The following SCFD2 variants were observed in gnomAD, a reference collection of about 807,000 sequenced individuals.
SCFD2 encodes sec1 family domain containing 2.
In SCFD2, 54 loss-of-function variants were observed where a neutral mutation model predicts 58.9. That is an observed-to-expected ratio of 0.92 (90% CI 0.74 to 1.15). The LOEUF (loss-of-function observed/expected upper bound fraction) is 1.15. Among genes scored for constraint, SCFD2 ranks in the 50% most tolerant of loss-of-function variants. SCFD2 has a pLI of 0.00. For synonymous variants in SCFD2, 321 were observed against 335.9 expected, an observed-to-expected ratio of 0.96 and a Z score of 0.49; for missense variants, 805 against 836.6, an observed-to-expected ratio of 0.96 and a Z score of 0.47.
chr4:52,948,605 C>A (rs1720503708), intron 5 of SCFD2: 3 of 452,284 alleles, frequency 6.6e-6, no homozygotes, highest in Non-Finnish European at 1.3e-5. Flanking sequence ...AGTCTCTTTA[C>A]TGCAACCAGT....
chr4:53,093,258 C>G (rs995148032), intron 5 of SCFD2, among the ~76,000 whole-genome samples: 3 of 151,950 alleles, frequency 2.0e-5, no homozygotes, highest in African/African-American at 7.3e-5. Context: ...AGGTGTTCAG[C>G]AAATAGTTGT....
intron 4 of SCFD2, among the ~76,000 whole-genome samples, chr4:53,250,090 A>T (rs1311936280): frequency 6.6e-6 from 1 of 152,220 alleles, no homozygotes. Context: ...GGCTCAAAAT[A>T]AAAGGATGGA....
intron 3 of SCFD2, among the ~76,000 whole-genome samples, chr4:53,275,562 A>C (rs920490840): frequency 1.3e-5 from 2 of 152,254 alleles, no homozygotes; most frequent in Non-Finnish European, 2.9e-5. Flanking sequence ...TCTAGTGTAC[A>C]GTTCTATGAA....
chr4:53,113,817 A>C (rs1016500687), intron 5 of SCFD2, among the ~76,000 whole-genome samples: 5 of 102,288 alleles, frequency 4.9e-5, no homozygotes, highest in African/African-American at 1.4e-4. Context: ...AGGTACAGAA[A>C]GTGGTCAATA....
chr4:53,081,299 G>A (rs1163059607), intron 5 of SCFD2, among the ~76,000 whole-genome samples: 2 of 152,044 alleles, frequency 1.3e-5, no homozygotes, highest in Non-Finnish European at 2.9e-5. Context: ...ATGTGTACAG[G>A]TTTGTTGCAT....
chr4:52,888,240 C>CAAG (rs1451266208), intron 7 of SCFD2, among the ~76,000 whole-genome samples: 25 of 152,170 alleles, frequency 1.6e-4, no homozygotes, highest in African/African-American at 5.3e-4. Context: ...TAAGTTATTC[C>CAAG]TTGGCTTCTG....
At position 52,903,354 on chromosome 4, in the gene SCFD2, T is replaced by C. The variant is rs375988599; in HGVS notation, c.1842+4103A>G. Among the ~76,000 whole-genome samples the C allele has an allele frequency of 2.0e-5, 3 of 152,148 alleles. No homozygotes were observed. In the East Asian group the frequency reaches 5.8e-4, roughly 29 times the overall value. ...GACCAGCTTTGCCTTGCTTAGTAGC[T>C]GCTGGAAAGGAGGGTCAGGGCCTCC... On this transcript the variant is annotated intron_variant, in intron 7 of 8. Transcript: ENST00000401642.
intron 3 of SCFD2, among the ~76,000 whole-genome samples, chr4:53,286,400 C>A (rs561396142): frequency 6.6e-6 from 1 of 152,088 alleles, no homozygotes; most frequent in Admixed American, 6.5e-5. Flanking sequence ...TGTTCTAACC[C>A]CCAAGGACCT....
intron 5 of SCFD2, among the ~76,000 whole-genome samples, chr4:53,023,949 G>T (rs1438919294): frequency 6.6e-6 from 1 of 152,092 alleles, no homozygotes; most frequent in Non-Finnish European, 1.5e-5. Context: ...TGGGGGTGGT[G>T]GTGGAGGGAA....
intron 5 of SCFD2, among the ~76,000 whole-genome samples, chr4:52,972,052 C>T (rs550714424): frequency 1.3e-5 from 2 of 152,314 alleles, no homozygotes; most frequent in South Asian, 2.1e-4. Context: ...GTACCAGCCA[C>T]TGCAAAAACA....
intron 5 of SCFD2, among the ~76,000 whole-genome samples, chr4:53,029,525 A>G (rs1722564061): frequency 6.6e-6 from 1 of 152,226 alleles, no homozygotes; most frequent in African/African-American, 2.4e-5. Flanking sequence ...ATTTAACTAA[A>G]AGATGTGTTC....
intron 5 of SCFD2, among the ~76,000 whole-genome samples, chr4:53,068,361 G>A (rs1184977742): frequency 3.3e-5 from 5 of 151,952 alleles, no homozygotes; most frequent in Admixed American, 6.6e-5. Context: ...TTCTATTTTA[G>A]ATAAGCATTA....
intron 5 of SCFD2, among the ~76,000 whole-genome samples, chr4:52,967,633 A>C (rs1577866476): frequency 6.6e-6 from 1 of 152,286 alleles, no homozygotes; most frequent in South Asian, 2.1e-4. Context: ...GAAGTGGTCC[A>C]GTTCTCTGTA....
intron 3 of SCFD2, among the ~76,000 whole-genome samples, chr4:53,283,652 T>G (rs1207111411): frequency 2.0e-5 from 3 of 151,992 alleles, no homozygotes; most frequent in African/African-American, 7.2e-5. Flanking sequence ...CACTGCAACC[T>G]CTGCCTCCCA....
At chr4:53,338,133 G>A (rs1269922153) in intron 2 of SCFD2, among the ~76,000 whole-genome samples, 1 of 152,124 alleles carries the variant, frequency 6.6e-6, no homozygotes, top group African/African-American at 2.4e-5. Flanking sequence ...TTGATTTTAG[G>A]GCTGTATGAC....
chr4:53,219,043 C>T (rs1728959162), intron 4 of SCFD2, among the ~76,000 whole-genome samples: 1 of 152,180 alleles, frequency 6.6e-6, no homozygotes, highest in Admixed American at 6.5e-5. Flanking sequence ...TGTCAGTCTG[C>T]CCCTACTAGA....
intron 5 of SCFD2, among the ~76,000 whole-genome samples, chr4:53,137,176 CATGAAACCGAGATCTAGCCAAGG>C (rs975805939): frequency 8.5e-5 from 13 of 152,058 alleles, no homozygotes; most frequent in Non-Finnish European, 1.9e-4. Context: ...CAGAGGTTGC[CATGAAACCGAGATCTAGCCAAGG>C]ATGCAAGTCT....
chr4:52,912,225 T>A (rs1013104758), intron 6 of SCFD2, among the ~76,000 whole-genome samples: 11 of 152,130 alleles, frequency 7.2e-5, no homozygotes, highest in African/African-American at 2.7e-4. Flanking sequence ...AAAAATTTAT[T>A]CTAAAATACA....
At chr4:53,087,647 T>A (rs1724347838) in intron 5 of SCFD2, among the ~76,000 whole-genome samples, 1 of 149,636 alleles carries the variant, frequency 6.7e-6, no homozygotes, top group Non-Finnish European at 1.5e-5. Context: ...CTATTTCTTT[T>A]TTCTTTTTCC....
Sources: allele counts gnomAD v4.1 joint callset (sites outside exome capture counted in the v4.1 genomes callset), GRCh38; gene constraint gnomAD v4.1.1; transcripts MANE v1.5; gene names NCBI Gene and HGNC (gene_info 2026-07-23, HGNC 2026-07-21).